The following XKR9 variants were observed in gnomAD, a reference collection of about 807,000 sequenced individuals.
The protein encoded by XKR9 is XK-related protein 9.
XKR9 carries 32 observed loss-of-function variants against 32.0 expected under a neutral mutation model. The observed-to-expected ratio is 1.00, with a 90% CI of 0.76 to 1.34. XKR9 has a LOEUF of 1.34. XKR9 is among the 40% of genes most tolerant of loss of function. The probability of loss-of-function intolerance (pLI) is 0.00; values close to 1 mark genes in which losing one functional copy is unlikely to be tolerated. For missense variants in XKR9, 546 were observed against 429.7 expected (o/e 1.27, Z -2.39); for synonymous variants, 168 against 143.4 (o/e 1.17, Z -1.22).
chr8:70,755,770 G>C (rs1045896974), intron 2 of XKR9, among the ~76,000 whole-genome samples: 1 of 129,034 alleles, frequency 7.7e-6, no homozygotes, highest in Non-Finnish European at 1.7e-5. Context: ...GGGGTGGGGG[G>C]AGGGGGGGAG....
intron 1 of XKR9, chr8:70,670,530 T>G (rs1248047464): frequency 6.7e-6 from 1 of 150,266 alleles, no homozygotes; most frequent in Non-Finnish European, 1.5e-5. Context: ...TAAAAAAAGG[T>G]GAGAAATTGA....
intron 3 of XKR9, among the ~76,000 whole-genome samples, chr8:70,685,266 A>G (rs1408621238): frequency 2.8e-5 from 4 of 143,500 alleles, no homozygotes; most frequent in East Asian, 2.2e-4. Context: ...AACACCGCAT[A>G]TTCTCACTCG....
chr8:70,695,167 A>C (rs1805219382), intron 3 of XKR9, among the ~76,000 whole-genome samples: 2 of 150,070 alleles, frequency 1.3e-5, no homozygotes, highest in South Asian at 4.2e-4. Context: ...GTTTTTAAAA[A>C]AATTTTTTTT....
intron 2 of XKR9, among the ~76,000 whole-genome samples, chr8:70,679,664 T>G (rs1300250292): frequency 2.0e-5 from 3 of 152,206 alleles, no homozygotes; most frequent in Admixed American, 2.0e-4. Context: ...GTCAAACATT[T>G]GTGTTTTTTG....
chr8:70,793,143 A>G (rs1807785478), downstream of XKR9, among the ~76,000 whole-genome samples: 1 of 152,056 alleles, frequency 6.6e-6, no homozygotes, highest in Admixed American at 6.6e-5. Context: ...ATTCTTTTGA[A>G]TATAGATATT....
At chr8:70,787,951 C>T (rs1469243254) in intron 2 of XKR9, among the ~76,000 whole-genome samples, 1 of 152,028 alleles carries the variant, frequency 6.6e-6, no homozygotes, top group Non-Finnish European at 1.5e-5. Context: ...AGGTCCATGA[C>T]ATAGTATCAT....
Position 70,752,040 on chromosome 8 carries a change from A to G in XKR9, n.353-37299A>G, listed in dbSNP as rs10108073. Among the ~76,000 whole-genome samples the G allele has an allele frequency of 3.1e-3, 465 of 152,312 alleles. 4 individuals are homozygous for G. The highest frequency in any genetic ancestry group is 0.011 in the African/African-American group (441 of 41,568). ...TAAGCCAATTCCTTGAAGCAAATCTATGTATTCATCCAATTGATTTTTTTG... is the reference window on the plus strand; with the variant it reads ...TAAGCCAATTCCTTGAAGCAAATCTGTGTATTCATCCAATTGATTTTTTTG... On this transcript the variant is annotated intron_variant and non_coding_transcript_variant, in intron 2 of 3. Coordinates refer to the XKR9 transcript ENST00000520273.
the XKR9 span, among the ~76,000 whole-genome samples, chr8:71,021,513 T>A: frequency 2.8e-5 from 4 of 144,670 alleles, no homozygotes; most frequent in African/African-American, 1.0e-4. Flanking sequence ...TTTTTTTTTT[T>A]TTTTTTTGAG....
the XKR9 span, among the ~76,000 whole-genome samples, chr8:70,992,644 G>A: frequency 6.6e-6 from 1 of 152,216 alleles, no homozygotes; most frequent in African/African-American, 2.4e-5. Context: ...AAGGAGACTA[G>A]AAGACAGGAG....
chr8:71,036,361 G>C, the XKR9 span, among the ~76,000 whole-genome samples: 1 of 151,928 alleles, frequency 6.6e-6, no homozygotes, highest in Admixed American at 6.6e-5. Flanking sequence ...ATTTATAATT[G>C]TTTCAATAGT....
chr8:70,703,206 A>T (rs1276698915), intron 3 of XKR9, among the ~76,000 whole-genome samples: 1 of 150,922 alleles, frequency 6.6e-6, no homozygotes, highest in African/African-American at 2.4e-5. Flanking sequence ...CTAGGATGTC[A>T]ATTTTACCTG....
intron 3 of XKR9, among the ~76,000 whole-genome samples, chr8:70,689,011 T>C (rs1246377439): frequency 1.3e-5 from 2 of 152,090 alleles, no homozygotes; most frequent in African/African-American, 2.4e-5. Flanking sequence ...ACTATAAAAA[T>C]GCGTGCTAAT....
chr8:70,932,046 G>A, the XKR9 span, among the ~76,000 whole-genome samples: 22 of 152,102 alleles, frequency 1.4e-4, no homozygotes, highest in South Asian at 4.1e-4. Context: ...CATTTCACAC[G>A]TATTAGACAG....
At chr8:70,704,187 GAAATA>G (rs1010612046) in intron 3 of XKR9, among the ~76,000 whole-genome samples, 233 of 151,400 alleles carry the variant, frequency 1.5e-3, no homozygotes, top group African/African-American at 5.3e-3. Flanking sequence ...ATCTCAAAAA[GAAATA>G]AAATAAAATA....
chr8:70,758,350 T>C, intron 2 of XKR9, among the ~76,000 whole-genome samples: 1 of 152,170 alleles, frequency 6.6e-6, no homozygotes, highest in Non-Finnish European at 1.5e-5. Flanking sequence ...GCTCTATTGT[T>C]TATAATAACA....
chr8:71,035,215 A>T, the XKR9 span, among the ~76,000 whole-genome samples: 1 of 152,238 alleles, frequency 6.6e-6, no homozygotes, highest in Non-Finnish European at 1.5e-5. Context: ...CGACATGTAC[A>T]TTGAAGAACT....
chr8:71,015,093 G>A, the XKR9 span, among the ~76,000 whole-genome samples: 3 of 152,290 alleles, frequency 2.0e-5, no homozygotes, highest in Admixed American at 6.5e-5. Flanking sequence ...AACTTGCAAA[G>A]TGGTTCGTTT....
the XKR9 span, among the ~76,000 whole-genome samples, chr8:70,890,870 G>T: frequency 6.6e-6 from 1 of 151,830 alleles, no homozygotes; most frequent in Non-Finnish European, 1.5e-5. Flanking sequence ...AAAAAGTCTT[G>T]GTATTAGTTC....
the XKR9 span, among the ~76,000 whole-genome samples, chr8:70,985,546 A>T: frequency 1.3e-5 from 2 of 152,190 alleles, no homozygotes. Flanking sequence ...TGAAATGGAC[A>T]ATCTTTGTAC....
Sources: allele counts gnomAD v4.1 joint callset (sites outside exome capture counted in the v4.1 genomes callset), GRCh38; gene constraint gnomAD v4.1.1; transcripts MANE v1.5; gene names NCBI Gene and HGNC (gene_info 2026-07-23, HGNC 2026-07-21).